Variants in MTHFD2L observed in about 807,000 individuals in gnomAD.
The protein encoded by MTHFD2L is bifunctional methylenetetrahydrofolate dehydrogenase/cyclohydrolase 2, mitochondrial.
Under a neutral mutation model 34.9 loss-of-function variants are expected in MTHFD2L, and 29 were observed. The observed-to-expected ratio is 0.83, with a 90% CI of 0.62 to 1.13. The LOEUF is 1.13. MTHFD2L is among the 50% of genes most tolerant of loss of function. The pLI is 0.00. For synonymous variants in MTHFD2L, 167 were observed against 155.7 expected (o/e 1.07, Z -0.54); for missense variants, 481 against 446.5 (o/e 1.08, Z -0.70).
Position 74,199,936 on chromosome 4 carries a change from A to G in MTHFD2L, c.594A>G (p.Ile198Met), listed in dbSNP as rs1039052766. The G allele has an allele frequency of 6.2e-7, 1 of 1,614,016 alleles. No individual in the cohort carries two copies. Reference protein sequence around the residue: ...PATASAVWEIIKRTGIQTFGK... With the variant: ...PATASAVWEIMKRTGIQTFGK... ...CTGCCAGTGCTGTTTGGGAAATAAT[A>G]AAAAGAACAGGTTGGTAATTTGTGG... Residue 198 changes from isoleucine to methionine, a missense_variant, in exon 4 of 8, where the codon ATA becomes ATG. Ile to Met is a conservative substitution (Grantham distance 10). Coordinates refer to ENST00000325278, the MANE Select transcript of MTHFD2L (RefSeq NM_001144978.3).
upstream of MTHFD2L, chr4:74,157,900 C>A (rs1724449762): frequency 1.5e-6 from 1 of 686,904 alleles, no homozygotes; most frequent in East Asian, 2.9e-5. Context: ...GCTTCCACAT[C>A]CTCAGAGGGC....
chr4:74,135,868 G>C (rs1468132556), intron 1 of MTHFD2L, among the ~76,000 whole-genome samples: 1 of 151,940 alleles, frequency 6.6e-6, no homozygotes, highest in Admixed American at 6.6e-5. Flanking sequence ...TCGAGAATGA[G>C]AATCATATAA....
At chr4:74,171,821 C>A (rs951422926) in intron 1 of MTHFD2L, among the ~76,000 whole-genome samples, 3 of 152,168 alleles carry the variant, frequency 2.0e-5, no homozygotes, top group African/African-American at 7.2e-5. Context: ...TATTTTAAAG[C>A]ATATGTGTAC....
At chr4:74,270,857 G>C (rs1271638961) in intron 6 of MTHFD2L, among the ~76,000 whole-genome samples, 2 of 151,884 alleles carry the variant, frequency 1.3e-5, no homozygotes, top group Non-Finnish European at 1.5e-5. Flanking sequence ...TTTAATGATT[G>C]CCATTCTAAC....
chr4:74,266,145 A>T (rs987392750), intron 6 of MTHFD2L, among the ~76,000 whole-genome samples: 2 of 152,206 alleles, frequency 1.3e-5, no homozygotes, highest in African/African-American at 2.4e-5. Flanking sequence ...TTTGAAAGTT[A>T]CTGGAACATA....
At chr4:74,236,722 A>C (rs570781216) in intron 6 of MTHFD2L, among the ~76,000 whole-genome samples, 1 of 152,344 alleles carries the variant, frequency 6.6e-6, no homozygotes, top group East Asian at 1.9e-4. Context: ...TATTTTTCCT[A>C]GTGTGTCAGT....
chr4:74,267,600 T>A, intron 6 of MTHFD2L: 1 of 382,030 alleles, frequency 2.6e-6, no homozygotes, highest in Non-Finnish European at 3.6e-6. Context: ...GTTTGCTTGT[T>A]TGTTTGTTGC....
chr4:74,150,863 C>A (rs1327377839), intron 1 of MTHFD2L, among the ~76,000 whole-genome samples: 1 of 151,586 alleles, frequency 6.6e-6, no homozygotes, highest in Non-Finnish European at 1.5e-5. Flanking sequence ...TAACAATTAC[C>A]ATGGAAAACA....
intron 6 of MTHFD2L, chr4:74,267,336 T>TTCCTTTCTTTC (rs1745420069): frequency 1.6e-6 from 1 of 626,268 alleles, no homozygotes; most frequent in African/African-American, 2.0e-5. Context: ...TCTTTCTTTC[T>TTCCTTTCTTTC]TCCTTTCTTT....
In MTHFD2L at chr4:74,158,244, G is replaced by A; in HGVS notation, c.106G>A (p.Gly36Arg). The A allele has an allele frequency of 2.7e-6, 4 of 1,477,880 alleles. No individual in the cohort carries two copies. Among genetic ancestry groups the A allele is most frequent in the Non-Finnish European group, 2.7e-6 (3 of 1,115,960 alleles). The allele number at this position is 1,477,880 out of a possible 1,614,324, so 91.5% of individuals were successfully genotyped here. A position where few individuals can be genotyped will look rare whatever the true frequency, so the allele number is the denominator to read the frequency against. Residue 36 changes from glycine (G) to arginine (R), a missense_variant, in exon 1 of 8, where the codon GGG becomes AGG. Gly to Arg is a moderately radical substitution (Grantham distance 125, BLOSUM62 -2). Transcript: ENST00000325278. ...CTCCGTAAGGGCACCGGGAGAGCCC[G>A]GGAGTGCGTTCCGGGGCTTTCGGAG... ...APSVRAPGEP[G>R]SAFRGFRSSG... is the part of the protein sequence containing the mutation.
At chr4:74,138,586 C>T (rs1723094066) in intron 1 of MTHFD2L, among the ~76,000 whole-genome samples, 1 of 152,172 alleles carries the variant, frequency 6.6e-6, no homozygotes, top group Admixed American at 6.5e-5. Context: ...TTAGCCCGAT[C>T]CAGAGCGGCA....
chr4:74,116,190 C>T (rs902675248), intron 2 of MTHFD2L, among the ~76,000 whole-genome samples: 6 of 152,170 alleles, frequency 3.9e-5, no homozygotes, highest in Non-Finnish European at 5.9e-5. Flanking sequence ...CTGATTTCTG[C>T]ATCAGAACGC....
intron 6 of MTHFD2L, chr4:74,267,989 T>A (rs1745527740): frequency 1.0e-6 from 1 of 985,186 alleles, no homozygotes; most frequent in Non-Finnish European, 1.2e-6. Context: ...ATTCAGATAT[T>A]GTCCTTGGCA....
At chr4:74,240,551 A>G (rs1741553376) in intron 6 of MTHFD2L, among the ~76,000 whole-genome samples, 1 of 152,208 alleles carries the variant, frequency 6.6e-6, no homozygotes, top group Non-Finnish European at 1.5e-5. Flanking sequence ...TTTGTATTCG[A>G]TTATATTCAT....
chr4:74,118,817 T>C (rs1431431888), upstream of MTHFD2L, among the ~76,000 whole-genome samples: 1 of 152,208 alleles, frequency 6.6e-6, no homozygotes, highest in Non-Finnish European at 1.5e-5. Flanking sequence ...TTGCTCACAT[T>C]ACCTCCTGAG....
At chr4:74,145,574 G>T (rs1723547954) in intron 1 of MTHFD2L, among the ~76,000 whole-genome samples, 1 of 152,144 alleles carries the variant, frequency 6.6e-6, no homozygotes, top group Non-Finnish European at 1.5e-5. Flanking sequence ...TGTTACACAT[G>T]CACCTAACAA....
intron 3 of MTHFD2L, among the ~76,000 whole-genome samples, chr4:74,193,268 G>C (rs1732885866): frequency 6.6e-6 from 1 of 152,122 alleles, no homozygotes; most frequent in Non-Finnish European, 1.5e-5. Flanking sequence ...CATTCTATAA[G>C]TGTGACTCTA....
chr4:74,209,204 A>G (rs1735867398), intron 5 of MTHFD2L, among the ~76,000 whole-genome samples: 1 of 152,130 alleles, frequency 6.6e-6, no homozygotes, highest in Admixed American at 6.5e-5. Context: ...AAACAAAACA[A>G]GAAAAACGTT....
intron 4 of MTHFD2L, among the ~76,000 whole-genome samples, chr4:74,200,797 A>G (rs1364137208): frequency 1.3e-5 from 2 of 152,174 alleles, no homozygotes; most frequent in Non-Finnish European, 2.9e-5. Context: ...ATTTTTTTAC[A>G]TCTTTCTAAG....
Sources: allele counts gnomAD v4.1 joint callset (sites outside exome capture counted in the v4.1 genomes callset), GRCh38; gene constraint gnomAD v4.1.1; transcripts MANE v1.5; gene names NCBI Gene and HGNC (gene_info 2026-07-23, HGNC 2026-07-21).